The following MYO5B variants were observed in gnomAD, a reference collection of about 807,000 sequenced individuals.
The protein encoded by MYO5B is unconventional myosin-Vb.
Under a neutral mutation model 229.3 loss-of-function variants are expected in MYO5B, and 143 were observed. That is an observed-to-expected ratio of 0.62 (90% CI 0.54 to 0.72). MYO5B has a LOEUF of 0.72. Among genes scored for constraint, MYO5B ranks in the 30% least tolerant of loss-of-function variants. MYO5B has a pLI of 0.00. For missense variants in MYO5B, 2,321 were observed against 2,331.0 expected, an observed-to-expected ratio of 1.00 and a Z score of 0.09; for synonymous variants, 918 against 885.2, an observed-to-expected ratio of 1.04 and a Z score of -0.66.
intron 1 of MYO5B, among the ~76,000 whole-genome samples, chr18:50,163,747 G>T (rs1359236828): frequency 2.0e-5 from 3 of 152,202 alleles, no homozygotes; most frequent in Non-Finnish European, 4.4e-5. Context: ...AACCAGACTT[G>T]TTCAAGCTGC....
rs2024758600 is a variant in MYO5B at position 49,894,812 on chromosome 18, G to A, written c.3045+129C>T. On this transcript the variant is annotated intron_variant, in intron 22 of 39. Transcript: ENST00000285039. Reference sequence around the variant, plus strand: ...CTTTCTGTCTAGACACAGATGAATGGTCAGTCTGTGCACATGAGCCCAAGA... The same window carrying A: ...CTTTCTGTCTAGACACAGATGAATGATCAGTCTGTGCACATGAGCCCAAGA... The A allele has an allele frequency of 3.8e-6, 3 of 789,058 alleles. No homozygotes were observed. In the South Asian group the frequency reaches 4.4e-5, roughly 11 times the overall value. The allele number at this position is 789,058 out of a possible 1,614,324, so 48.9% of individuals were successfully genotyped here. A position where few individuals can be genotyped will look rare whatever the true frequency, so the allele number is the denominator to read the frequency against.
chr18:50,034,608 G>C (rs2026428028), intron 4 of MYO5B, among the ~76,000 whole-genome samples: 1 of 152,184 alleles, frequency 6.6e-6, no homozygotes, highest in Admixed American at 6.5e-5. Flanking sequence ...GCCAGGTGTG[G>C]TGGCAGGCAC....
chr18:50,153,719 G>A (rs558901494), intron 1 of MYO5B, among the ~76,000 whole-genome samples: 6 of 152,290 alleles, frequency 3.9e-5, no homozygotes, highest in African/African-American at 1.4e-4. Context: ...CAAAGTGCTG[G>A]GATTACATGC....
At chr18:50,055,466 G>A (rs2030523880) in intron 1 of MYO5B, 88 bp from the exon 2 acceptor site, 2 of 1,062,510 alleles carry the variant, frequency 1.9e-6, no homozygotes, top group Non-Finnish European at 2.9e-6. Flanking sequence ...GTGCCCATCA[G>A]GAGAACTTCT....
intron 17 of MYO5B, among the ~76,000 whole-genome samples, chr18:49,925,201 A>T (rs762461484): frequency 6.6e-6 from 1 of 152,250 alleles, no homozygotes; most frequent in Non-Finnish European, 1.5e-5. Context: ...GTTCATCTGC[A>T]TGATAAAACC....
Position 49,954,297 on chromosome 18 carries a change from CAG to C in MYO5B, c.1668+14_1668+15del. 1.2e-6 allele frequency: 2 copies of C among 1,613,648 alleles called. No individual in the cohort carries two copies. Among genetic ancestry groups the C allele is most frequent in the East Asian group, 4.5e-5 (2 of 44,848 alleles). On this transcript the variant is annotated intron_variant, in intron 13 of 39. Coordinates refer to ENST00000285039, the MANE Select transcript of MYO5B (RefSeq NM_001080467.3). ...GGGGCCAAGGGAATACCCGAGCCAA[CAG>C]AGAGGAGAGCCACCTTGTCTGCAAA...
At chr18:50,129,541 TAC>T (rs1412137269) in intron 1 of MYO5B, among the ~76,000 whole-genome samples, 3 of 152,166 alleles carry the variant, frequency 2.0e-5, no homozygotes, top group African/African-American at 7.2e-5. Context: ...CAGCTGTACT[TAC>T]AGACACCTCA....
Position 49,823,808 on chromosome 18 carries a change from C to T in MYO5B, c.*2663G>A, listed in dbSNP as rs979691608. The T allele has an allele frequency of 6.6e-6, 1 of 152,530 alleles. No individual in the cohort carries two copies. Among genetic ancestry groups the T allele is most frequent in the Non-Finnish European group, 1.5e-5 (1 of 68,022 alleles). 9.4% of individuals were successfully genotyped at this position (152,530 alleles called of 1,614,324 possible). On this transcript the variant is annotated 3_prime_UTR_variant, in exon 40 of 40. Transcript: ENST00000285039. Reference sequence around the variant, plus strand: ...CAGCAACAACTCATGTGTACATTCACATTTACTATAAGTAAACAGGTCCCG... The same window carrying T: ...CAGCAACAACTCATGTGTACATTCATATTTACTATAAGTAAACAGGTCCCG...
At position 50,031,369 on chromosome 18, in the gene MYO5B, A is replaced by G. The variant is rs1194851622; in HGVS notation, c.455+5481T>C. ...TCTGTACCCAGTTACTGTCTTCATG[A>G]CCTTGGAGAACTATACAGCATCCGA... On this transcript the variant is annotated intron_variant, in intron 4 of 39. Coordinates refer to ENST00000285039, the MANE Select transcript of MYO5B (RefSeq NM_001080467.3). Among the ~76,000 whole-genome samples, 3 of 152,110 alleles carry G rather than the reference A, an allele frequency of 2.0e-5. No homozygotes were observed. In the East Asian group the frequency reaches 5.8e-4, roughly 29 times the overall value.
At position 49,837,857 on chromosome 18, in the gene MYO5B, T is replaced by C. The variant is rs545924419; in HGVS notation, c.4853-55A>G. 224 of 1,596,940 alleles carry C rather than the reference T, an allele frequency of 1.4e-4. 4 individuals carry two copies. In the South Asian group the frequency reaches 2.3e-3, roughly 16 times the overall value. ...GCATTCCCCACTAACAATGCAAAGA[T>C]TGGACCACTCAAATCATTTAGTGCT... On this transcript the variant is annotated intron_variant, in intron 36 of 39. Coordinates refer to ENST00000285039, the MANE Select transcript of MYO5B (RefSeq NM_001080467.3).
rs747879135 is a variant in MYO5B at position 49,880,358 on chromosome 18, C to A, written c.3130+13G>T. The A allele has an allele frequency of 5.0e-6, 8 of 1,609,232 alleles. No individual in the cohort carries two copies. ...TAAAACCCCAAATAAAACTCAAGTG[C>A]TTTGGTACTTACCTTTAGACTGGCA... On this transcript the variant is annotated intron_variant, in intron 23 of 39. Coordinates refer to ENST00000285039, the MANE Select transcript of MYO5B (RefSeq NM_001080467.3).
At chr18:49,943,152 T>G (rs1260699693) in intron 14 of MYO5B, among the ~76,000 whole-genome samples, 1 of 133,212 alleles carries the variant, frequency 7.5e-6, no homozygotes, top group Non-Finnish European at 1.5e-5. Flanking sequence ...CACTCATAGG[T>G]GGGAATTGAA....
At chr18:49,981,962 A>G (rs2025820427) in intron 8 of MYO5B, among the ~76,000 whole-genome samples, 1 of 152,098 alleles carries the variant, frequency 6.6e-6, no homozygotes, top group South Asian at 2.1e-4. Context: ...TTTTTGTCTG[A>G]GCTTAGAGTA....
intron 16 of MYO5B, among the ~76,000 whole-genome samples, chr18:49,930,301 T>A (rs1304140113): frequency 6.6e-6 from 1 of 152,236 alleles, no homozygotes; most frequent in African/African-American, 2.4e-5. Context: ...TTAAGAATCA[T>A]GTAGATGAAC....
At chr18:49,943,604 T>C (rs147788035) in intron 14 of MYO5B, among the ~76,000 whole-genome samples, 162 of 152,312 alleles carry the variant, frequency 1.1e-3, no homozygotes, top group South Asian at 2.3e-3. Context: ...GATTGACTAG[T>C]TTGTGCATTC....
chr18:50,148,154 T>G (rs1314984275), intron 1 of MYO5B, among the ~76,000 whole-genome samples: 1 of 151,384 alleles, frequency 6.6e-6, no homozygotes, highest in South Asian at 2.1e-4. Flanking sequence ...AATCTCTGAA[T>G]AGACCAATAA....
At chr18:49,880,306 T>A in intron 23 of MYO5B, 65 bp downstream of exon 23, 3 of 1,381,416 alleles carry the variant, frequency 2.2e-6, no homozygotes, top group Non-Finnish European at 3.1e-6. Flanking sequence ...TAGGAGTCTT[T>A]GGGAGAAGTC....
chr18:50,055,148 A>C (rs2030510376), intron 2 of MYO5B, 120 bp downstream of exon 2: 1 of 728,712 alleles, frequency 1.4e-6, no homozygotes, highest in Non-Finnish European at 2.4e-6. Context: ...CCAAGGGCTC[A>C]AGAGCTCCAA....
chr18:50,194,650 G>T lies in MYO5B; in HGVS notation c.27+117C>A, dbSNP rs1438695321. 5.9e-6 allele frequency: 4 copies of T among 678,914 alleles called. No individual in the cohort carries two copies. In the Admixed American group the frequency reaches 8.0e-5, roughly 14 times the overall value. The allele number at this position is 678,914 out of a possible 1,614,324, so 42.1% of individuals were successfully genotyped here. The stretch of plus-strand genomic sequence containing the variant: ...CAGTGACGAGGAGGACACCGCGGAG[G>T]GGGGTCTCCCGTCACCTCCCGCCTC... On this transcript the variant is annotated intron_variant, in intron 1 of 39. Transcript: ENST00000285039.
Sources: gnomAD v4.1 joint callset for allele counts (sites outside exome capture counted in the v4.1 genomes callset) on GRCh38, gnomAD v4.1.1 for gene constraint, MANE v1.5 for transcripts, NCBI Gene and HGNC (gene_info 2026-07-23, HGNC 2026-07-21) for gene names.